G2E3: variants seen among roughly 807,000 people sequenced by gnomAD.
G2E3 encodes G2/M phase-specific E3 ubiquitin-protein ligase.
Under a neutral mutation model 92.8 loss-of-function variants are expected in G2E3, and 35 were observed. The ratio of observed to expected loss-of-function variants is 0.38; its 90% confidence interval spans 0.29 to 0.50. G2E3 has a LOEUF of 0.50. G2E3 is among the 20% of genes least tolerant of loss of function. The pLI is 0.94. For missense variants in G2E3, 554 were observed against 823.8 expected (o/e 0.67, Z 4.01); for synonymous variants, 242 against 272.4 (o/e 0.89, Z 1.10).
chr14:30,618,999 A>C lies in G2E3; in HGVS notation c.*2465A>C, dbSNP rs1882442995. On this transcript the variant is annotated 3_prime_UTR_variant, in exon 15 of 15. Coordinates refer to ENST00000206595, the MANE Select transcript of G2E3 (RefSeq NM_017769.5). ...TAATGTTGAGGAAAACTATAAATTG[A>C]TCTATAATGCATCTACTGTTAATGG... 1 of 152,054 alleles carries C rather than the reference A, an allele frequency of 6.6e-6. No homozygotes were observed. Among genetic ancestry groups the C allele is most frequent in the Non-Finnish European group, 1.5e-5 (1 of 67,924 alleles). 9.4% of individuals were successfully genotyped at this position (152,054 alleles called of 1,614,324 possible).
At chr14:30,584,676 A>G (rs1473900784) in intron 2 of G2E3, among the ~76,000 whole-genome samples, 1 of 151,754 alleles carries the variant, frequency 6.6e-6, no homozygotes, top group East Asian at 1.9e-4. Context: ...GGCTCTTTGT[A>G]TATCTTCTTT....
intron 4 of G2E3, among the ~76,000 whole-genome samples, chr14:30,591,151 C>G (rs1880989738): frequency 6.6e-6 from 1 of 152,116 alleles, no homozygotes; most frequent in South Asian, 2.1e-4. Flanking sequence ...AGAAGAGTCT[C>G]ATTTGTGAAC....
chr14:30,575,370 C>G (rs757665559), intron 1 of G2E3, among the ~76,000 whole-genome samples: 2 of 152,132 alleles, frequency 1.3e-5, no homozygotes, highest in Non-Finnish European at 2.9e-5. Flanking sequence ...ATTGAGGGAA[C>G]ATACCTCAAA....
intron 11 of G2E3, among the ~76,000 whole-genome samples, 165 bp from the exon 12 acceptor site, chr14:30,607,723 C>G (rs1359095567): frequency 6.6e-6 from 1 of 151,804 alleles, no homozygotes; most frequent in Non-Finnish European, 1.5e-5. Context: ...AAAAATGTGT[C>G]TTTTTTTATA....
chr14:30,563,521 C>T (rs1408077246), intron 1 of G2E3, among the ~76,000 whole-genome samples: 2 of 150,168 alleles, frequency 1.3e-5, no homozygotes, highest in African/African-American at 4.9e-5. Flanking sequence ...TATTGGAAGC[C>T]AAGCTGGAAA....
rs977957526 is a variant in G2E3, at chr14:30,619,709, G to C, written c.*3175G>C. The C allele has an allele frequency of 6.6e-6, 1 of 152,036 alleles. No individual in the cohort carries two copies. The highest frequency in any genetic ancestry group is 1.5e-5 in the Non-Finnish European group (1 of 67,986). 9.4% of individuals were successfully genotyped at this position (152,036 alleles called of 1,614,324 possible). ...ATATCCCAGTACCTACACTATGCCA[G>C]GTATTATGCTAGGTGATCGTTTATA... On this transcript the variant is annotated 3_prime_UTR_variant, in exon 15 of 15. Coordinates refer to ENST00000206595, the MANE Select transcript of G2E3 (RefSeq NM_017769.5).
rs552830762 is a variant in G2E3 at position 30,590,111 on chromosome 14, C to CT, written c.237+628dup. 1.4e-4 allele frequency among the ~76,000 whole-genome samples: 22 copies of CT among 152,120 alleles called. No homozygotes were observed. In the East Asian group the frequency reaches 4.3e-3, roughly 29 times the overall value. ...ATGCAGGGAAACGTCTCCATATTGT[C>CT]TAAGTAAAAATAATGAGAAAGAATG... On this transcript the variant is annotated intron_variant, in intron 4 of 14. Transcript: ENST00000206595.
intron 12 of G2E3, 62 bp downstream of exon 12, chr14:30,608,131 G>T: frequency 1.1e-6 from 1 of 908,378 alleles, no homozygotes; most frequent in South Asian, 2.0e-5. Context: ...TAATGTAAAT[G>T]ACTGATCTGC....
At chr14:30,610,060 G>A (rs1882015890) in intron 12 of G2E3, among the ~76,000 whole-genome samples, 2 of 152,132 alleles carry the variant, frequency 1.3e-5, no homozygotes, top group South Asian at 2.1e-4. Context: ...ATTGCCTGTT[G>A]AACGAAGTTG....
Position 30,602,124 on chromosome 14 carries a change from C to T in G2E3, c.1003C>T (p.Leu335=), listed in dbSNP as rs886716788. ...RQSPGSQSKD[L]LRQGSKFRRN... ...GTCACCTGGATCCCAGAGTAAAGAT[C>T]TACTGAGGTATGTATTTTGAATTGG... Residue 335 remains leucine, a synonymous_variant, in exon 10 of 15, where the codon CTA becomes TTA. Transcript: ENST00000206595. The T allele has an allele frequency of 2.5e-6, 4 of 1,601,274 alleles. No homozygotes were observed. The African/African-American group carries it at 5.4e-5, about 22-fold the overall frequency.
chr14:30,584,185 T>C (rs1880583519), intron 2 of G2E3, among the ~76,000 whole-genome samples: 1 of 152,256 alleles, frequency 6.6e-6, no homozygotes, highest in Non-Finnish European at 1.5e-5. Flanking sequence ...GGTTTATTCA[T>C]GCTGTAGCAT....
chr14:30,569,802 A>T (rs1879652830), intron 1 of G2E3, among the ~76,000 whole-genome samples: 1 of 152,178 alleles, frequency 6.6e-6, no homozygotes, highest in Non-Finnish European at 1.5e-5. Flanking sequence ...ATATAATCCA[A>T]CCAAATGGCA....
chr14:30,562,375 A>G (rs1031373901), intron 1 of G2E3, among the ~76,000 whole-genome samples: 2 of 152,172 alleles, frequency 1.3e-5, no homozygotes, highest in Non-Finnish European at 2.9e-5. Flanking sequence ...TAACCTAGGA[A>G]AAACCAGGCC....
In G2E3 at chr14:30,612,262, A is replaced by G; in HGVS notation, c.1556A>G (p.Asn519Ser). 6.2e-7 allele frequency: 1 copy of G among 1,608,764 alleles called. No individual in the cohort carries two copies. The highest frequency in any genetic ancestry group is 1.1e-5 in the South Asian group (1 of 90,772). ...AAGTCAATAATAAATGAATGCTATAACTACCTTGAGTTAATTGGATGTCTC... is the reference window on the plus strand; with the variant it reads ...AAGTCAATAATAAATGAATGCTATAGCTACCTTGAGTTAATTGGATGTCTC... ...DLKSIINECY[N>S]YLELIGCLRL... Residue 519 changes from asparagine (N) to serine (S), a missense_variant, in exon 13 of 15, where the codon AAC (asparagine) becomes AGC (serine). Coordinates refer to ENST00000206595, the MANE Select transcript of G2E3 (RefSeq NM_017769.5).
chr14:30,608,843 G>A (rs898148232), intron 12 of G2E3, among the ~76,000 whole-genome samples: 3 of 152,194 alleles, frequency 2.0e-5, no homozygotes, highest in Non-Finnish European at 2.9e-5. Flanking sequence ...TTAGCCAGGC[G>A]TGGTGGCATG....
At chr14:30,612,973 A>C (rs72666424) in intron 13 of G2E3, among the ~76,000 whole-genome samples, 3 of 152,362 alleles carry the variant, frequency 2.0e-5, no homozygotes, top group East Asian at 1.9e-4. Context: ...CACATGAGCC[A>C]ACTATTCTGT....
Position 30,612,320 on chromosome 14 carries a change from G to C in G2E3, c.1614G>C (p.Met538Ile), listed in dbSNP as rs1257851063. The C allele has an allele frequency of 1.2e-6, 2 of 1,607,124 alleles. No homozygotes were observed. Among genetic ancestry groups the C allele is most frequent in the Admixed American group, 3.3e-5 (2 of 59,800 alleles). Residue 538 changes from methionine (M) to isoleucine (I), a missense_variant, in exon 13 of 15, where the codon ATG becomes ATC. Physicochemically the swap from Met to Ile is conservative, Grantham distance 10. Coordinates refer to ENST00000206595, the MANE Select transcript of G2E3 (RefSeq NM_017769.5). ...RLITTLSDKY[M>I]LVKDILGYHV... ...TAACGACATTAAGTGATAAATATAT[G>C]TTAGTAAAAGACATACTTGGCTACC... is the stretch of plus-strand genomic sequence containing the variant.
chr14:30,564,627 C>T (rs1027540498), intron 1 of G2E3, among the ~76,000 whole-genome samples: 1 of 151,928 alleles, frequency 6.6e-6, no homozygotes, highest in Non-Finnish European at 1.5e-5. Flanking sequence ...AGCCACCATG[C>T]CCAGTCAAAA....
intron 8 of G2E3, among the ~76,000 whole-genome samples, chr14:30,600,905 G>A (rs1170600593): frequency 2.0e-5 from 3 of 152,194 alleles, no homozygotes; most frequent in Admixed American, 2.0e-4. Context: ...TTCTACAATT[G>A]TGAGGATTAA....
Sources: gnomAD v4.1 joint callset for allele counts (sites outside exome capture counted in the v4.1 genomes callset) on GRCh38, gnomAD v4.1.1 for gene constraint, MANE v1.5 for transcripts, NCBI Gene and HGNC (gene_info 2026-07-23, HGNC 2026-07-21) for gene names.